RIMS2: variants seen among roughly 807,000 people sequenced by gnomAD.
RIMS2 encodes the protein regulating synaptic membrane exocytosis 2.
In RIMS2, 59 loss-of-function variants were observed where a neutral mutation model predicts 174.4. The ratio of observed to expected loss-of-function variants is 0.34; its 90% CI spans 0.27 to 0.42. The LOEUF (loss-of-function observed/expected upper bound fraction) is 0.42, where lower values mean the gene tolerates loss of function less well. RIMS2 is among the 10% of genes least tolerant of loss of function. The pLI, the probability that RIMS2 is intolerant of heterozygous loss-of-function variation, is 1.00. For missense variants in RIMS2, 1,620 were observed against 1,666.3 expected, an observed-to-expected ratio of 0.97 and a Z score of 0.48; for synonymous variants, 606 against 572.5, an observed-to-expected ratio of 1.06 and a Z score of -0.84.
At chr8:103,571,324 TC>T (rs1326532619) in intron 1 of RIMS2, among the ~76,000 whole-genome samples, 1 of 152,210 alleles carries the variant, frequency 6.6e-6, no homozygotes, top group East Asian at 1.9e-4. Flanking sequence ...AATTTACCTT[TC>T]CAGCCACATT....
intron 1 of RIMS2, among the ~76,000 whole-genome samples, chr8:103,681,171 T>C (rs1428065318): frequency 6.6e-6 from 1 of 151,982 alleles, no homozygotes; most frequent in Non-Finnish European, 1.5e-5. Flanking sequence ...CAACACTAAA[T>C]TTGGATTTGG....
intron 3 of RIMS2, among the ~76,000 whole-genome samples, chr8:103,881,544 T>C (rs895393483): frequency 6.6e-6 from 1 of 151,566 alleles, no homozygotes; most frequent in African/African-American, 2.4e-5. Flanking sequence ...AGTTTTCCCA[T>C]CAGTCAGTAT....
At chr8:103,587,274 C>A (rs554531659) in intron 1 of RIMS2, among the ~76,000 whole-genome samples, 86 of 151,994 alleles carry the variant, frequency 5.7e-4, no homozygotes, top group Non-Finnish European at 9.1e-4. Flanking sequence ...TTCTACCAAA[C>A]ATTTAAAGAA....
chr8:103,917,828 A>C (rs532958185), intron 8 of RIMS2, among the ~76,000 whole-genome samples: 12 of 152,252 alleles, frequency 7.9e-5, no homozygotes, highest in African/African-American at 2.9e-4. Context: ...CCTGGCCAAC[A>C]TGGTGAAACC....
chr8:103,752,428 A>G (rs935352952), intron 2 of RIMS2, among the ~76,000 whole-genome samples: 1 of 152,142 alleles, frequency 6.6e-6, no homozygotes, highest in Admixed American at 6.5e-5. Context: ...TGACTTGGCG[A>G]TGCGGGCTCT....
chr8:103,747,221 T>G (rs1298467526), intron 2 of RIMS2, among the ~76,000 whole-genome samples: 3 of 149,784 alleles, frequency 2.0e-5, no homozygotes, highest in Admixed American at 1.3e-4. Flanking sequence ...TAGGTATATC[T>G]CCCAATGCTA....
chr8:103,618,548 G>A (rs1236024609), intron 1 of RIMS2, among the ~76,000 whole-genome samples: 5 of 152,152 alleles, frequency 3.3e-5, no homozygotes. Flanking sequence ...GGTAGAATGA[G>A]AGGAAGGGAA....
intron 17 of RIMS2, among the ~76,000 whole-genome samples, chr8:103,993,214 G>A (rs1224712058): frequency 6.6e-6 from 1 of 152,118 alleles, no homozygotes. Flanking sequence ...CATGTCAGAA[G>A]TACTCCACAG....
intron 2 of RIMS2, among the ~76,000 whole-genome samples, chr8:103,730,978 G>C (rs2097584993): frequency 6.6e-6 from 1 of 152,194 alleles, no homozygotes. Context: ...AAGGTGAAGA[G>C]GAGCAAAGTC....
At chr8:104,208,882 A>C (rs1474005937) in intron 19 of RIMS2, among the ~76,000 whole-genome samples, 1 of 152,230 alleles carries the variant, frequency 6.6e-6, no homozygotes, top group African/African-American at 2.4e-5. Context: ...AACTTGACAA[A>C]GGAAGCCAAG....
chr8:103,535,293 G>A (rs184862885), intron 1 of RIMS2, among the ~76,000 whole-genome samples: 94 of 152,276 alleles, frequency 6.2e-4, no homozygotes, highest in African/African-American at 2.2e-3. Flanking sequence ...GCAGCCTATC[G>A]ATTGCCCTTA....
At chr8:103,690,657 CTA>C (rs954317272) in intron 1 of RIMS2, among the ~76,000 whole-genome samples, 1 of 152,146 alleles carries the variant, frequency 6.6e-6, no homozygotes, top group African/African-American at 2.4e-5. Flanking sequence ...ACTGTAGTGT[CTA>C]TGTCTTAAAA....
intron 17 of RIMS2, among the ~76,000 whole-genome samples, chr8:104,001,452 T>A (rs1247724989): frequency 6.6e-6 from 1 of 152,016 alleles, no homozygotes; most frequent in Non-Finnish European, 1.5e-5. Flanking sequence ...CAACACAATG[T>A]AATAACATGA....
At chr8:103,500,706 G>C (rs1165590930), upstream of RIMS2, 1 of 525,026 alleles carries the variant, frequency 1.9e-6, no homozygotes, top group Non-Finnish European at 3.4e-6. Context: ...CCTTCCCCAC[G>C]CGCTCGCCCT....
chr8:103,623,187 T>G (rs1258327418), intron 1 of RIMS2, among the ~76,000 whole-genome samples: 1 of 152,192 alleles, frequency 6.6e-6, no homozygotes, highest in Non-Finnish European at 1.5e-5. Context: ...TCAAGCAGAC[T>G]GAGGTTTTAT....
intron 19 of RIMS2, among the ~76,000 whole-genome samples, chr8:104,019,005 C>T (rs569874793): frequency 1.2e-4 from 19 of 152,184 alleles, no homozygotes; most frequent in Admixed American, 5.2e-4. Flanking sequence ...AGATCCCAGC[C>T]TGGCCAACAT....
At chr8:103,949,348 C>T (rs1174413596) in intron 14 of RIMS2, among the ~76,000 whole-genome samples, 1 of 152,084 alleles carries the variant, frequency 6.6e-6, no homozygotes, top group Non-Finnish European at 1.5e-5. Flanking sequence ...CAGAAAACAC[C>T]TTCTCTCCAA....
intron 2 of RIMS2, among the ~76,000 whole-genome samples, chr8:103,701,190 C>T (rs955528664): frequency 2.6e-5 from 4 of 151,936 alleles, no homozygotes; most frequent in Non-Finnish European, 5.9e-5. Flanking sequence ...TTTTTTCATG[C>T]TGAAAATTTT....
chr8:104,220,161 A>T (rs2511568), intron 19 of RIMS2, among the ~76,000 whole-genome samples: 28,464 of 151,854 alleles, frequency 0.19, 2,922 homozygotes, highest in Non-Finnish European at 0.23. Context: ...CTGTGCCAAC[A>T]CTCTTTCCTT....
Sources: allele counts gnomAD v4.1 joint callset (sites outside exome capture counted in the v4.1 genomes callset), GRCh38; gene constraint gnomAD v4.1.1; transcripts MANE v1.5; gene names NCBI Gene and HGNC (gene_info 2026-07-23, HGNC 2026-07-21).